The following PCSK5 variants were observed in gnomAD, a reference collection of about 807,000 sequenced individuals.
PCSK5 encodes prohormone convertase 5.
Under a neutral mutation model 233.2 loss-of-function variants are expected in PCSK5, and 129 were observed. The observed-to-expected ratio is 0.55, with a 90% CI of 0.48 to 0.64. The LOEUF (loss-of-function observed/expected upper bound fraction) is 0.64. PCSK5 is among the 30% of genes least tolerant of loss of function. The probability of loss-of-function intolerance (pLI) is 0.00; values close to 1 mark genes in which losing one functional copy is unlikely to be tolerated. For missense variants in PCSK5, 2,076 were observed against 2,430.1 expected (o/e 0.85, Z 3.06); for synonymous variants, 825 against 879.2 (o/e 0.94, Z 1.09).
In PCSK5 at chr9:76,328,970, G is replaced by A. The variant is rs1021928514; in HGVS notation, c.4570+731G>A. Among the ~76,000 whole-genome samples the A allele has an allele frequency of 2.7e-4, 20 of 73,992 alleles. No homozygotes were observed. In the East Asian group the frequency reaches 2.9e-3, roughly 11 times the overall value. The allele number at this position is 73,992 out of a possible 152,430, so 48.5% of individuals were successfully genotyped here. A position where few individuals can be genotyped will look rare whatever the true frequency, so the allele number is the denominator to read the frequency against. ...ATTACAGGTGGGCACCATCGCTCCC[G>A]GCTAATTTTTTTTTTTTTTTGTATT... On this transcript the variant is annotated intron_variant, in intron 33 of 37. Coordinates refer to ENST00000674117, the MANE Select transcript of PCSK5 (RefSeq NM_001372043.1).
chr9:76,067,769 T>C (rs527917360), intron 5 of PCSK5, among the ~76,000 whole-genome samples, 186 bp from the exon 6 acceptor site: 41 of 152,184 alleles, frequency 2.7e-4, no homozygotes, highest in Non-Finnish European at 4.7e-4. Context: ...GTCAAGAATA[T>C]AATCCAAAAC....
intron 9 of PCSK5, among the ~76,000 whole-genome samples, chr9:76,127,729 G>C (rs774401945): frequency 2.0e-5 from 3 of 152,226 alleles, no homozygotes; most frequent in Admixed American, 6.5e-5. Flanking sequence ...TAATGGTACA[G>C]TAGGTTCCTA....
intron 26 of PCSK5, among the ~76,000 whole-genome samples, 178 bp from the exon 27 acceptor site, chr9:76,296,487 G>A (rs1012528512): frequency 5.3e-5 from 8 of 152,140 alleles, no homozygotes; most frequent in African/African-American, 1.9e-4. Context: ...AGGATGCAGT[G>A]AGCCGAGATC....
At chr9:76,133,340 G>A (rs1051421182) in intron 9 of PCSK5, among the ~76,000 whole-genome samples, 4 of 152,034 alleles carry the variant, frequency 2.6e-5, no homozygotes, top group African/African-American at 9.7e-5. Flanking sequence ...GGGAATAAAA[G>A]TCTGTTTGTA....
At chr9:76,141,611 C>T (rs1270323298) in intron 10 of PCSK5, among the ~76,000 whole-genome samples, 2 of 152,158 alleles carry the variant, frequency 1.3e-5, no homozygotes, top group African/African-American at 4.8e-5. Flanking sequence ...ACGAGTTATT[C>T]TCTGCTCCTT....
At chr9:76,125,988 C>T (rs1832834420) in intron 9 of PCSK5, among the ~76,000 whole-genome samples, 1 of 152,144 alleles carries the variant, frequency 6.6e-6, no homozygotes, top group Non-Finnish European at 1.5e-5. Context: ...CCTGTGTACC[C>T]CTCATTATCA....
chr9:76,127,694 C>T (rs1186533071), intron 9 of PCSK5, among the ~76,000 whole-genome samples: 1 of 152,176 alleles, frequency 6.6e-6, no homozygotes, highest in Non-Finnish European at 1.5e-5. Flanking sequence ...GGTGTAAACT[C>T]AGCAAAAGTA....
intron 2 of PCSK5, among the ~76,000 whole-genome samples, chr9:75,950,980 G>C (rs1824829162): frequency 6.6e-6 from 1 of 152,216 alleles, no homozygotes; most frequent in Admixed American, 6.5e-5. Context: ...AGCAACCATT[G>C]AAAGATTTGT....
At chr9:76,315,928 G>GTTTTTTTTTTTT (rs71499141) in intron 30 of PCSK5, among the ~76,000 whole-genome samples, 367 of 91,688 alleles carry the variant, frequency 4.0e-3, no homozygotes, top group Non-Finnish European at 5.6e-3. Context: ...CACTTCAAGG[G>GTTTTTTTTTTTT]TTTTTTTTTT....
At chr9:76,315,415 A>T (rs1828994815) in intron 30 of PCSK5, among the ~76,000 whole-genome samples, 1 of 152,218 alleles carries the variant, frequency 6.6e-6, no homozygotes, top group South Asian at 2.1e-4. Context: ...GTGAAGGCCC[A>T]GGACCACACA....
intron 20 of PCSK5, chr9:76,193,102 T>C: frequency 1.6e-6 from 1 of 624,042 alleles, no homozygotes. Flanking sequence ...AATTTCCTCC[T>C]GTTGACTACT....
chr9:75,974,325 C>T (rs933651465), intron 2 of PCSK5, among the ~76,000 whole-genome samples: 2 of 152,270 alleles, frequency 1.3e-5, no homozygotes, highest in African/African-American at 2.4e-5. Flanking sequence ...TGCTATGACC[C>T]GCAAGTTTTG....
Position 76,026,943 on chromosome 9 carries a change from TCTC to T in PCSK5, c.556-14_556-12del. The stretch of plus-strand genomic sequence containing the variant: ...AATGTCCATTTCCTTTCCCTTGCTC[TCTC>T]CTCTGTGGCCATAGGATGCTCTGGC... On this transcript the variant is annotated splice_polypyrimidine_tract_variant and intron_variant, in intron 4 of 37. Transcript: ENST00000674117. 6.3e-7 allele frequency: 1 copy of T among 1,582,112 alleles called. No homozygotes were observed. Among genetic ancestry groups the T allele is most frequent in the Non-Finnish European group, 8.7e-7 (1 of 1,154,476 alleles).
intron 31 of PCSK5, 39 bp from the exon 32 acceptor site, chr9:76,323,013 A>AC (rs56332566): frequency 2.6e-6 from 3 of 1,132,958 alleles, no homozygotes; most frequent in Middle Eastern, 1.9e-4. Context: ...CCTTTCTCCT[A>AC]CCCCCCGGGG....
chr9:76,098,048 T>C (rs1234717779), intron 8 of PCSK5, among the ~76,000 whole-genome samples: 1 of 152,232 alleles, frequency 6.6e-6, no homozygotes, highest in Non-Finnish European at 1.5e-5. Context: ...GATAGAACTG[T>C]ACCTCCTTTG....
At chr9:76,090,202 C>T (rs951760841) in intron 7 of PCSK5, among the ~76,000 whole-genome samples, 1 of 152,114 alleles carries the variant, frequency 6.6e-6, no homozygotes, top group East Asian at 1.9e-4. Flanking sequence ...ATTCTTTTCT[C>T]TTCATAGTAC....
chr9:75,891,734 G>A, intron 1 of PCSK5, among the ~76,000 whole-genome samples: 1 of 151,884 alleles, frequency 6.6e-6, no homozygotes, highest in East Asian at 1.9e-4. Flanking sequence ...CTCAGAGAGG[G>A]TGATCGTGGG....
chr9:75,940,022 C>T (rs1824227754), intron 2 of PCSK5, among the ~76,000 whole-genome samples: 1 of 152,204 alleles, frequency 6.6e-6, no homozygotes, highest in Admixed American at 6.5e-5. Flanking sequence ...GAATCACAGA[C>T]TCCTTAGAAT....
chr9:75,950,630 A>C (rs1824812106), intron 2 of PCSK5, among the ~76,000 whole-genome samples: 1 of 152,188 alleles, frequency 6.6e-6, no homozygotes, highest in Admixed American at 6.5e-5. Context: ...TTTACAGACA[A>C]GCAAATGCTG....
Sources: allele counts gnomAD v4.1 joint callset (sites outside exome capture counted in the v4.1 genomes callset), GRCh38; gene constraint gnomAD v4.1.1; transcripts MANE v1.5; gene names NCBI Gene and HGNC (gene_info 2026-07-23, HGNC 2026-07-21).